NDUFAF6: variants seen among roughly 807,000 people sequenced by gnomAD.
The protein encoded by NDUFAF6 is NADH dehydrogenase (ubiquinone) complex I, assembly factor 6.
Under a neutral mutation model 40.8 loss-of-function variants are expected in NDUFAF6, and 45 were observed. That is an observed-to-expected ratio of 1.10 (90% confidence interval 0.87 to 1.42). The LOEUF is 1.42. Ranked by LOEUF, NDUFAF6 falls within the 40% of genes most tolerant of loss-of-function variation. The pLI is 0.00. For missense variants in NDUFAF6, 435 were observed against 418.5 expected (o/e 1.04, Z -0.34); for synonymous variants, 185 against 155.9 (o/e 1.19, Z -1.39).
At chr8:94,973,708 C>CAA (rs34298876) in intron 1 of NDUFAF6, among the ~76,000 whole-genome samples, 105 of 126,560 alleles carry the variant, frequency 8.3e-4, no homozygotes, top group East Asian at 5.3e-3. Context: ...GACTCTGTCT[C>CAA]AAAAAAAAAA....
At chr8:94,932,030 G>A in intron 1 of NDUFAF6, 1 of 1,588,784 alleles carries the variant, frequency 6.3e-7, no homozygotes, top group Non-Finnish European at 8.6e-7. Context: ...GCCTCCCTAT[G>A]CATACATATA....
chr8:95,007,987 A>T (rs950323063), intron 2 of NDUFAF6, among the ~76,000 whole-genome samples: 5 of 152,004 alleles, frequency 3.3e-5, no homozygotes, highest in Non-Finnish European at 7.4e-5. Flanking sequence ...GCCTCTCAAA[A>T]TGCTGGGATT....
intron 3 of NDUFAF6, among the ~76,000 whole-genome samples, chr8:95,037,992 T>G (rs1244888134): frequency 6.6e-6 from 1 of 152,164 alleles, no homozygotes; most frequent in Non-Finnish European, 1.5e-5. Flanking sequence ...CAGGCGATCC[T>G]CTTGCCTCAG....
intron 5 of NDUFAF6, among the ~76,000 whole-genome samples, chr8:95,046,790 G>A (rs1830817661): frequency 6.6e-6 from 1 of 152,184 alleles, no homozygotes; most frequent in Admixed American, 6.5e-5. Context: ...TTATTTAAAA[G>A]TTGAGATTGA....
chr8:95,038,007 C>T (rs1013282030), intron 3 of NDUFAF6, among the ~76,000 whole-genome samples: 1 of 152,150 alleles, frequency 6.6e-6, no homozygotes. Flanking sequence ...CCTCAGCCTC[C>T]TGAGTAGCTG....
intron 2 of NDUFAF6, among the ~76,000 whole-genome samples, chr8:95,091,378 A>G (rs1563863971): frequency 6.6e-6 from 1 of 152,052 alleles, no homozygotes; most frequent in Non-Finnish European, 1.5e-5. Context: ...CTCGCTCACT[A>G]TCATGAGAAC....
At chr8:94,937,883 C>T (rs1821146405) in intron 1 of NDUFAF6, among the ~76,000 whole-genome samples, 1 of 152,098 alleles carries the variant, frequency 6.6e-6, no homozygotes, top group South Asian at 2.1e-4. Flanking sequence ...GTCACCTTAC[C>T]CTATCTGAAT....
At chr8:94,953,982 CTT>C (rs761087028), upstream of NDUFAF6, among the ~76,000 whole-genome samples, 31 of 152,298 alleles carry the variant, frequency 2.0e-4, no homozygotes, top group Middle Eastern at 3.4e-3. Context: ...TTCGGGGCCT[CTT>C]TTCCTGCTTT....
At chr8:95,081,935 G>C (rs760347458) in intron 2 of NDUFAF6, among the ~76,000 whole-genome samples, 10 of 152,110 alleles carry the variant, frequency 6.6e-5, no homozygotes, top group Non-Finnish European at 1.2e-4. Context: ...GCGTGGTGGC[G>C]GGCACCTGTA....
chr8:94,939,158 G>T (rs976395894), intron 1 of NDUFAF6, among the ~76,000 whole-genome samples: 2 of 152,142 alleles, frequency 1.3e-5, no homozygotes, highest in African/African-American at 4.8e-5. Context: ...GGTTTTCAAG[G>T]TTACATCATT....
At chr8:95,060,596 C>T (rs1262043503), downstream of NDUFAF6, among the ~76,000 whole-genome samples, 3 of 152,174 alleles carry the variant, frequency 2.0e-5, no homozygotes, top group Non-Finnish European at 4.4e-5. Flanking sequence ...TGCTTTAACT[C>T]TCATAGTGAA....
rs530661123 is a variant in NDUFAF6, at chr8:95,108,474, G to A, written n.344+5463G>A. Among the ~76,000 whole-genome samples, 32 of 152,284 alleles carry A rather than the reference G, an allele frequency of 2.1e-4. No homozygotes were observed. The South Asian group carries it at 6.6e-3, about 32-fold the overall frequency. On this transcript the variant is annotated intron_variant and non_coding_transcript_variant, in intron 4 of 5. Transcript: ENST00000523184. ...AGATACAAAAGGACAAATATGGCATGATTCCACCTATATGAGGTATGAAGA... is the reference window on the plus strand; with the variant it reads ...AGATACAAAAGGACAAATATGGCATAATTCCACCTATATGAGGTATGAAGA...
downstream of NDUFAF6, among the ~76,000 whole-genome samples, chr8:95,079,352 A>G (rs1271807054): frequency 6.6e-6 from 1 of 152,218 alleles, no homozygotes; most frequent in Non-Finnish European, 1.5e-5. Flanking sequence ...TTTGCAATAC[A>G]TAAAAAACAT....
At chr8:94,989,592 G>A (rs907707678) in intron 2 of NDUFAF6, among the ~76,000 whole-genome samples, 1 of 152,168 alleles carries the variant, frequency 6.6e-6, no homozygotes, top group Non-Finnish European at 1.5e-5. Flanking sequence ...CTAATGAACT[G>A]GGGGTCTGAA....
At chr8:95,089,143 C>T (rs1809163199) in intron 2 of NDUFAF6, among the ~76,000 whole-genome samples, 1 of 152,146 alleles carries the variant, frequency 6.6e-6, no homozygotes, top group Non-Finnish European at 1.5e-5. Flanking sequence ...CCACTGCAAC[C>T]TCTGCCTCCC....
At chr8:95,066,786 T>C (rs1366096874) in intron 9 of NDUFAF6, 2 of 152,224 alleles carry the variant, frequency 1.3e-5, no homozygotes, top group Non-Finnish European at 2.9e-5. Context: ...TGAGCAAAAA[T>C]GACACATTCC....
chr8:95,040,272 G>C (rs981411076), intron 3 of NDUFAF6, among the ~76,000 whole-genome samples: 1 of 152,176 alleles, frequency 6.6e-6, no homozygotes, highest in Non-Finnish European at 1.5e-5. Context: ...TACTTCATAG[G>C]TGGTATGTCC....
chr8:94,901,172 G>A (rs944475067), intron 1 of NDUFAF6, among the ~76,000 whole-genome samples: 1 of 152,174 alleles, frequency 6.6e-6, no homozygotes, highest in Non-Finnish European at 1.5e-5. Context: ...AGAGGACCTT[G>A]GCATATTTAG....
chr8:95,054,011 T>C (rs566718058), intron 8 of NDUFAF6, among the ~76,000 whole-genome samples: 18 of 138,062 alleles, frequency 1.3e-4, no homozygotes, highest in African/African-American at 4.8e-4. Flanking sequence ...GGTGGAGTCA[T>C]GGCTCACAGC....
Sources: gnomAD v4.1 joint callset for allele counts (sites outside exome capture counted in the v4.1 genomes callset) on GRCh38, gnomAD v4.1.1 for gene constraint, MANE v1.5 for transcripts, NCBI Gene and HGNC (gene_info 2026-07-23, HGNC 2026-07-21) for gene names.